Variants in TAF4 observed in about 807,000 individuals in gnomAD.
TAF4 encodes the protein transcription initiation factor TFIID subunit 4.
In TAF4, 9 loss-of-function variants were observed where a neutral mutation model predicts 90.3. That is an observed-to-expected ratio of 0.10 (90% CI 0.06 to 0.17). TAF4 has a LOEUF of 0.17. Among genes scored for constraint, TAF4 ranks in the 10% least tolerant of loss-of-function variants. The pLI, the probability that TAF4 is intolerant of heterozygous loss-of-function variation, is 1.00. For synonymous variants in TAF4, 818 were observed against 638.9 expected (o/e 1.28, Z -4.23); for missense variants, 1,351 against 1,370.7 (o/e 0.99, Z 0.23).
intron 1 of TAF4, among the ~76,000 whole-genome samples, chr20:62,054,777 T>C (rs904173700): frequency 4.6e-5 from 7 of 151,974 alleles, no homozygotes; most frequent in Admixed American, 3.9e-4. Flanking sequence ...GCTCTTCTAG[T>C]CTACTCTACA....
At chr20:62,009,396 C>A (rs1478959300) in intron 4 of TAF4, among the ~76,000 whole-genome samples, 1 of 152,232 alleles carries the variant, frequency 6.6e-6, no homozygotes, top group Non-Finnish European at 1.5e-5. Flanking sequence ...CCCCGCAAGG[C>A]CACATCTAGG....
chr20:62,017,782 C>T (rs1269231157), intron 1 of TAF4, among the ~76,000 whole-genome samples: 2 of 150,848 alleles, frequency 1.3e-5, no homozygotes, highest in African/African-American at 4.9e-5. Flanking sequence ...TGCAGTGAGC[C>T]GAGATTGCAC....
intron 1 of TAF4, 51 bp downstream of exon 1, chr20:62,064,400 G>A (rs538777206): frequency 1.1e-5 from 14 of 1,277,206 alleles, no homozygotes; most frequent in African/African-American, 1.1e-4. Context: ...GGAACTGGCA[G>A]CTGGCGCTGC....
intron 14 of TAF4, among the ~76,000 whole-genome samples, chr20:61,994,926 G>C (rs1362043721): frequency 2.0e-5 from 3 of 152,210 alleles, no homozygotes; most frequent in African/African-American, 7.2e-5. Flanking sequence ...TCACACCCTA[G>C]AGTAAGACCT....
At chr20:62,038,590 G>A (rs2055946829) in intron 1 of TAF4, among the ~76,000 whole-genome samples, 1 of 152,152 alleles carries the variant, frequency 6.6e-6, no homozygotes, top group South Asian at 2.1e-4. Flanking sequence ...ATTTAACAAA[G>A]TATGTTCAGG....
intron 1 of TAF4, among the ~76,000 whole-genome samples, chr20:62,044,265 G>T (rs981146307): frequency 1.3e-5 from 2 of 152,092 alleles, no homozygotes; most frequent in Non-Finnish European, 2.9e-5. Flanking sequence ...TGCTACCAGA[G>T]ATGATCTCCA....
intron 14 of TAF4, chr20:61,981,284 TG>T (rs2055539681): frequency 6.6e-6 from 1 of 151,722 alleles, no homozygotes; most frequent in Non-Finnish European, 1.5e-5. Flanking sequence ...AGTCAAAAAA[TG>T]GGGGCTCCAC....
At chr20:62,052,865 C>A (rs1328292341) in intron 1 of TAF4, among the ~76,000 whole-genome samples, 1 of 150,140 alleles carries the variant, frequency 6.7e-6, no homozygotes, top group Admixed American at 6.6e-5. Flanking sequence ...CTCAGGCCAT[C>A]CCCCACACCC....
At chr20:62,061,691 T>G (rs1006344188) in intron 1 of TAF4, among the ~76,000 whole-genome samples, 12 of 152,246 alleles carry the variant, frequency 7.9e-5, no homozygotes, top group Non-Finnish European at 1.5e-4. Flanking sequence ...TATCCTAAGC[T>G]GTACATAACT....
intron 14 of TAF4, among the ~76,000 whole-genome samples, chr20:61,995,440 CA>C (rs1272871100): frequency 6.6e-6 from 1 of 152,184 alleles, no homozygotes; most frequent in Non-Finnish European, 1.5e-5. Context: ...AGACATCTTC[CA>C]GTCTGGAAAA....
At chr20:61,994,233 A>G (rs934221806) in intron 14 of TAF4, among the ~76,000 whole-genome samples, 1 of 152,256 alleles carries the variant, frequency 6.6e-6, no homozygotes, top group Non-Finnish European at 1.5e-5. Flanking sequence ...GTATACAACT[A>G]CATTTTCAGC....
At chr20:61,988,372 G>A (rs1052160462) in intron 14 of TAF4, among the ~76,000 whole-genome samples, 3 of 152,084 alleles carry the variant, frequency 2.0e-5, no homozygotes, top group Non-Finnish European at 4.4e-5. Context: ...CTAAAAAATA[G>A]TTTATTAATT....
At position 62,006,543 on chromosome 20, in the gene TAF4, G is replaced by A. The variant is rs145691580; in HGVS notation, c.2190C>T (p.Val730=). The A allele has an allele frequency of 1.1e-5, 17 of 1,558,736 alleles. No homozygotes were observed. The highest frequency in any genetic ancestry group is 4.8e-5 in the East Asian group (2 of 41,804). The change falls in exon 7 of 15, where the codon GTC becomes GTT. Residue 730 remains valine, a synonymous_variant. Transcript: ENST00000252996. The surrounding 1 kb of genome is among the most constrained non-coding windows in gnomAD (Gnocchi z 7.0). Reference sequence around the variant, plus strand: ...TGGGTTGCCCCTGCTTGCCGACGCCGACCTGCGTGGGCTGCGTGAGGCTGA... The same window carrying A: ...TGGGTTGCCCCTGCTTGCCGACGCCAACCTGCGTGGGCTGCGTGAGGCTGA... The part of the protein sequence containing the change: ...PVLSLTQPTQ[V]GVGKQGQPTP...
chr20:61,986,837 T>C (rs543244977), intron 14 of TAF4, among the ~76,000 whole-genome samples: 1 of 152,308 alleles, frequency 6.6e-6, no homozygotes, highest in East Asian at 1.9e-4. Context: ...CAGCTCTCTT[T>C]ACAGAATTCC....
Position 62,000,191 on chromosome 20 carries a change from T to C in TAF4, c.2720A>G (p.Gln907Arg), listed in dbSNP as rs1187231548. The change falls in exon 11 of 15, where the codon CAA (glutamine) becomes CGA (arginine). Residue 907 changes from glutamine to arginine, a missense_variant. By Grantham distance (43) the Gln-to-Arg change is conservative. This residue lies in a region of TAF4 where 95 missense variants were observed against 151.3 expected (regional missense o/e 0.63). Transcript: ENST00000252996. ...DVVSYVSHAT[Q>R]QRLQNLVEKI... Reference sequence around the variant, plus strand: ...CTCTACAAGATTCTGTAGCCTTTGTTGCGTGGCATGTGATACATAACTTAC... The same window carrying C: ...CTCTACAAGATTCTGTAGCCTTTGTCGCGTGGCATGTGATACATAACTTAC... 6.2e-7 allele frequency: 1 copy of C among 1,614,274 alleles called. No homozygotes were observed. Among genetic ancestry groups the C allele is most frequent in the Admixed American group, 1.7e-5 (1 of 60,034 alleles).
chr20:62,030,364 C>T (rs1370154584), intron 1 of TAF4, among the ~76,000 whole-genome samples: 1 of 152,194 alleles, frequency 6.6e-6, no homozygotes, highest in Non-Finnish European at 1.5e-5. Context: ...CTTTTCATGC[C>T]AAAGCCCAAT....
intron 1 of TAF4, among the ~76,000 whole-genome samples, chr20:62,023,070 C>A (rs1433443395): frequency 6.6e-6 from 1 of 152,224 alleles, no homozygotes; most frequent in Non-Finnish European, 1.5e-5. Flanking sequence ...TCCCAGCAGC[C>A]TCCTGTGTAG....
intron 1 of TAF4, among the ~76,000 whole-genome samples, chr20:62,028,072 G>A (rs772737902): frequency 1.3e-5 from 2 of 152,190 alleles, no homozygotes; most frequent in Non-Finnish European, 2.9e-5. Context: ...GGTCCCACAC[G>A]TGCTCTGCTC....
intron 12 of TAF4, 76 bp downstream of exon 12, chr20:61,998,905 CCA>C: frequency 6.4e-7 from 1 of 1,564,238 alleles, no homozygotes; most frequent in Non-Finnish European, 8.7e-7. Flanking sequence ...ACCCAAAACC[CCA>C]CTGTCTCAGT....
Sources: allele counts gnomAD v4.1 joint callset (sites outside exome capture counted in the v4.1 genomes callset), GRCh38; gene constraint gnomAD v4.1.1; regional missense constraint gnomAD v4.1.1; non-coding constraint Gnocchi (gnomAD v3.1); transcripts MANE v1.5; gene names NCBI Gene and HGNC (gene_info 2026-07-23, HGNC 2026-07-21).